The following TMEM129 variants were observed in gnomAD, a reference collection of about 807,000 sequenced individuals.
TMEM129 encodes E3 ubiquitin-protein ligase TM129.
Under a neutral mutation model 34.1 loss-of-function variants are expected in TMEM129, and 35 were observed. That is an observed-to-expected ratio of 1.03 (90% CI 0.78 to 1.36). TMEM129 has a LOEUF of 1.36. Among genes scored for constraint, TMEM129 ranks in the 40% most tolerant of loss-of-function variants. The pLI is 0.00. For synonymous variants in TMEM129, 239 were observed against 217.3 expected (o/e 1.10, Z -0.88); for missense variants, 504 against 512.6 (o/e 0.98, Z 0.16).
At chr4:1,717,471 C>A in intron 3 of TMEM129, 43 bp from the exon 4 acceptor site, 1 of 1,500,204 alleles carries the variant, frequency 6.7e-7, no homozygotes, top group Non-Finnish European at 9.0e-7. Flanking sequence ...GGCAGACACC[C>A]GTGGGCACCC....
chr4:1,720,293 A>G lies in TMEM129; in HGVS notation c.205+340T>C, dbSNP rs1465484349. 6.6e-6 allele frequency among the ~76,000 whole-genome samples: 1 copy of G among 152,226 alleles called. No individual in the cohort carries two copies. Among genetic ancestry groups the G allele is most frequent in the African/African-American group, 2.4e-5 (1 of 41,554 alleles). On this transcript the variant is annotated intron_variant, in intron 1 of 3. Coordinates refer to ENST00000382936, the MANE Select transcript of TMEM129 (RefSeq NM_001127266.2). This position sits in a 1 kb window ranked among gnomAD's most constrained non-coding sequence, Gnocchi z 4.4. The stretch of plus-strand genomic sequence containing the variant: ...CCTCCGACCCCTTCCGTTGGACTCA[A>G]TCAACAGTTGCCTTCTCCTGGCCAC...
Position 1,716,261 on chromosome 4 carries a change from CCT to C in TMEM129, c.*917_*918del, listed in dbSNP as rs1716953428. 1 of 152,426 alleles carries C rather than the reference CCT, an allele frequency of 6.6e-6. No homozygotes were observed. The highest frequency in any genetic ancestry group is 2.1e-4 in the South Asian group (1 of 4,842). The allele number at this position is 152,426 out of a possible 1,614,324, so 9.4% of individuals were successfully genotyped here. A position where few individuals can be genotyped will look rare whatever the true frequency, so the allele number is the denominator to read the frequency against. The stretch of plus-strand genomic sequence containing the variant: ...TATGAAGGCCCCTCCAGTAGCCACA[CCT>C]GTGTCAGGGCTGTGCCCTGGGGCCT... On this transcript the variant is annotated 3_prime_UTR_variant, in exon 4 of 4. Transcript: ENST00000382936.
At chr4:1,719,235 T>C (rs1717146154) in intron 1 of TMEM129, 1 of 461,382 alleles carries the variant, frequency 2.2e-6, no homozygotes, top group African/African-American at 2.0e-5. Flanking sequence ...GTCACTGCAT[T>C]TCAAGGTAAC....
At chr4:1,719,806 C>G (rs781647508) in intron 1 of TMEM129, among the ~76,000 whole-genome samples, 1 of 152,196 alleles carries the variant, frequency 6.6e-6, no homozygotes, top group Middle Eastern at 3.2e-3. Flanking sequence ...AGCCCACCCT[C>G]TCCATGAGGC....
chr4:1,718,744 G>A (rs1717119826), intron 1 of TMEM129, 118 bp from the exon 2 acceptor site: 1 of 1,417,842 alleles, frequency 7.1e-7, no homozygotes, highest in South Asian at 1.6e-5. Context: ...GGGTAATTGG[G>A]CTTTACCCAC....
chr4:1,718,351 C>A lies in TMEM129; in HGVS notation c.481G>T (p.Gly161Cys), dbSNP rs1472891784. 24 of 1,613,320 alleles carry A rather than the reference C, an allele frequency of 1.5e-5. No homozygotes were observed. The highest frequency in any genetic ancestry group is 1.9e-5 in the Non-Finnish European group (22 of 1,179,864). The change falls in exon 2 of 4, where the codon GGT (glycine) becomes TGT (cysteine). Residue 161 changes from glycine to cysteine, a missense_variant. Transcript: ENST00000382936. ...RIDKFATGAPGARVIVTDTWV... is the reference protein window; with the variant it reads ...RIDKFATGAPCARVIVTDTWV... ...GTGTCTGTCACAATCACACGGGCAC[C>A]TGGTGCACCGGTGGCAAACTTGTCA...
chr4:1,717,477 C>T lies in TMEM129; in HGVS notation c.840+39G>A, dbSNP rs889494253. On this transcript the variant is annotated intron_variant, in intron 3 of 3. Coordinates refer to ENST00000382936, the MANE Select transcript of TMEM129 (RefSeq NM_001127266.2). The stretch of plus-strand genomic sequence containing the variant: ...AGGAGCCCAGGCAGACACCCGTGGG[C>T]ACCCACCCATCCACCCGGCCCTGGC... 6.7e-6 allele frequency: 10 copies of T among 1,500,302 alleles called. No homozygotes were observed. In the African/African-American group the frequency reaches 1.4e-4, roughly 21 times the overall value. 92.9% of individuals were successfully genotyped at this position (1,500,302 alleles called of 1,614,324 possible). A position where few individuals can be genotyped will look rare whatever the true frequency, so the allele number is the denominator to read the frequency against.
Position 1,720,499 on chromosome 4 carries a change from A to G in TMEM129, c.205+134T>C, listed in dbSNP as rs930541511. On this transcript the variant is annotated intron_variant, in intron 1 of 3. Coordinates refer to ENST00000382936, the MANE Select transcript of TMEM129 (RefSeq NM_001127266.2). This position sits in a 1 kb window ranked among gnomAD's most constrained non-coding sequence, Gnocchi z 4.4. ...TCAGCCCACGCCGCGGTCCCTCTGG[A>G]TGAGGACCGGCGCCTCTCCCCAGCT... 4 of 1,183,686 alleles carry G rather than the reference A, an allele frequency of 3.4e-6. No individual in the cohort carries two copies. The highest frequency in any genetic ancestry group is 3.4e-6 in the Non-Finnish European group (3 of 873,634). The allele number at this position is 1,183,686 out of a possible 1,614,324, so 73.3% of individuals were successfully genotyped here. A position where few individuals can be genotyped will look rare whatever the true frequency, so the allele number is the denominator to read the frequency against.
chr4:1,719,365 A>AC, intron 1 of TMEM129: 1 of 376,242 alleles, frequency 2.7e-6, no homozygotes, highest in Non-Finnish European at 5.3e-6. Context: ...CCTGGCTAAC[A>AC]CGGTGAAACC....
At chr4:1,718,935 C>G (rs1288228967) in intron 1 of TMEM129, 1 of 1,265,354 alleles carries the variant, frequency 7.9e-7, no homozygotes. Flanking sequence ...GAGCTGACCC[C>G]TGGCCTGCCA....
chr4:1,717,354 G>A lies in TMEM129; in HGVS notation c.915C>T (p.Ala305=), dbSNP rs1264981345. The change falls in exon 4 of 4, where the codon GCC becomes GCT. Residue 305 remains alanine, a synonymous_variant. Coordinates refer to ENST00000382936, the MANE Select transcript of TMEM129 (RefSeq NM_001127266.2). ...AGTAACACTGCTGGCACTCGCCTGT[G>A]GCTGCCTCCTGGCAGGTCTTCACCA... ...VKLVKTCQEA[A]TGECQQCYCR... 6.5e-7 allele frequency: 1 copy of A among 1,534,178 alleles called. No homozygotes were observed.
In TMEM129 at chr4:1,717,020, C is replaced by T. The variant is rs985344307; in HGVS notation, c.*160G>A. ...GTGTTTTCATGAGGATTGCTTTTAA[C>T]CAAAAGTCCTCAGCCTTCTGCAGAC... On this transcript the variant is annotated 3_prime_UTR_variant, in exon 4 of 4. Transcript: ENST00000382936. 1.0e-6 allele frequency: 1 copy of T among 970,892 alleles called. No homozygotes were observed. Among genetic ancestry groups the T allele is most frequent in the African/African-American group, 1.7e-5 (1 of 59,680 alleles). 60.1% of individuals were successfully genotyped at this position (970,892 alleles called of 1,614,324 possible).
In TMEM129 at chr4:1,717,966, G is replaced by A. The variant is rs532472435; in HGVS notation, c.680+186C>T. The A allele has an allele frequency of 8.2e-5, 56 of 684,490 alleles. No individual in the cohort carries two copies. In the Admixed American group the frequency reaches 1.0e-3, roughly 12 times the overall value. The allele number at this position is 684,490 out of a possible 1,614,324, so 42.4% of individuals were successfully genotyped here. A position where few individuals can be genotyped will look rare whatever the true frequency, so the allele number is the denominator to read the frequency against. On this transcript the variant is annotated intron_variant, in intron 2 of 3. Transcript: ENST00000382936. ...GGAGGCCAAGAGTGCAGGGGGACCC[G>A]AGGGAGGGCTATGCGGGAGGGCTCA...
chr4:1,721,180 G>A lies in TMEM129; in HGVS notation c.-343C>T, dbSNP rs1315870277. The A allele has an allele frequency of 5.1e-6, 1 of 194,858 alleles. No homozygotes were observed. The highest frequency in any genetic ancestry group is 1.0e-5 in the Non-Finnish European group (1 of 98,628). The allele number at this position is 194,858 out of a possible 1,614,324, so 12.1% of individuals were successfully genotyped here. ...GCCTCTCTTCTCGGCCGGCCCTGGA[G>A]GCGGCACCGCACCTGTGCATTGAGC... On this transcript the variant is annotated 5_prime_UTR_variant, in exon 1 of 4. Transcript: ENST00000382936.
rs535862260 is a variant in TMEM129, at chr4:1,717,782, G to A, written c.681-107C>T. On this transcript the variant is annotated intron_variant, in intron 2 of 3. Transcript: ENST00000382936. The stretch of plus-strand genomic sequence containing the variant: ...CAGCTGTCGCACCAGGACCAACCAG[G>A]AGAGATGGCCCTAAGGCCAGAGCCC... 2.2e-4 allele frequency: 311 copies of A among 1,393,928 alleles called. 1 individual carries two copies. In the South Asian group the frequency reaches 4.4e-3, roughly 20 times the overall value. 86.3% of individuals were successfully genotyped at this position (1,393,928 alleles called of 1,614,324 possible). A position where few individuals can be genotyped will look rare whatever the true frequency, so the allele number is the denominator to read the frequency against.
chr4:1,720,177 G>A lies in TMEM129; in HGVS notation c.205+456C>T, dbSNP rs550042871. On this transcript the variant is annotated intron_variant, in intron 1 of 3. Transcript: ENST00000382936. This position sits in a 1 kb window ranked among gnomAD's most constrained non-coding sequence, Gnocchi z 4.4. ...GGCCCTCCCCAGCCTCTGCCCCTGT[G>A]GCGCCCCCAAACTGGAACTGCCTCC... Among the ~76,000 whole-genome samples the A allele has an allele frequency of 1.4e-4, 22 of 152,246 alleles. No homozygotes were observed. The highest frequency in any genetic ancestry group is 3.4e-3 in the Middle Eastern group (1 of 294).
In TMEM129 at chr4:1,718,618, C is replaced by T. The variant is rs1459500455; in HGVS notation, c.214G>A (p.Val72Met). Residue 72 changes from valine (V) to methionine (M), a missense_variant, in exon 2 of 4, where the codon GTG (valine) becomes ATG (methionine). Physicochemically the swap from Val to Met is conservative, Grantham distance 21. Transcript: ENST00000382936. ...CHSLLPLGYY[V>M]GMCLAASEKR... Reference sequence around the variant, plus strand: ...TCTGAAGCCGCAAGGCACATGCCCACATAGTAGCCTGCAAAGGACAGGGTG... The same window carrying T: ...TCTGAAGCCGCAAGGCACATGCCCATATAGTAGCCTGCAAAGGACAGGGTG... 5 of 1,452,712 alleles carry T rather than the reference C, an allele frequency of 3.4e-6. No homozygotes were observed. Among genetic ancestry groups the T allele is most frequent in the Admixed American group, 5.6e-5 (2 of 35,570 alleles). 90.0% of individuals were successfully genotyped at this position (1,452,712 alleles called of 1,614,324 possible).
chr4:1,718,258 TCA>T lies in TMEM129; in HGVS notation c.572_573del (p.Val191AspfsTer7). The T allele has an allele frequency of 6.2e-7, 1 of 1,610,766 alleles. No individual in the cohort carries two copies. The highest frequency in any genetic ancestry group is 1.1e-5 in the South Asian group (1 of 90,406). On this transcript the variant is annotated frameshift_variant, in exon 2 of 4. Coordinates refer to ENST00000382936, the MANE Select transcript of TMEM129 (RefSeq NM_001127266.2). LOFTEE classifies it high-confidence loss of function. ...VAQQQDVHLTVTESRQHELSP... is the reference protein window; with the variant it reads ...VAQQQDVHLTXTESRQHELSP... Reference sequence around the variant, plus strand: ...GAGAGCTCATGCTGCCGAGACTCCGTCACAGTCAGGTGCACGTCCTGCTGCTG... The same window carrying T: ...GAGAGCTCATGCTGCCGAGACTCCGTCAGTCAGGTGCACGTCCTGCTGCTG...
In TMEM129 at chr4:1,717,678, G is replaced by A; in HGVS notation, c.681-3C>T. On this transcript the variant is annotated splice_polypyrimidine_tract_variant and splice_region_variant and intron_variant, in intron 2 of 3. Coordinates refer to ENST00000382936, the MANE Select transcript of TMEM129 (RefSeq NM_001127266.2). The stretch of plus-strand genomic sequence containing the variant: ...CCCCGTACTCAGTGGAGTTCAGCCT[G>A]CAGGGAGGAGAGCTGCTGGGCCCCT... 3 of 1,503,066 alleles carry A rather than the reference G, an allele frequency of 2.0e-6. No homozygotes were observed. The highest frequency in any genetic ancestry group is 2.7e-6 in the Non-Finnish European group (3 of 1,120,870). 93.1% of individuals were successfully genotyped at this position (1,503,066 alleles called of 1,614,324 possible). A position where few individuals can be genotyped will look rare whatever the true frequency, so the allele number is the denominator to read the frequency against.
Sources: allele counts gnomAD v4.1 joint callset (sites outside exome capture counted in the v4.1 genomes callset), GRCh38; gene constraint gnomAD v4.1.1; non-coding constraint Gnocchi (gnomAD v3.1); transcripts MANE v1.5; gene names NCBI Gene and HGNC (gene_info 2026-07-23, HGNC 2026-07-21).